The following PAK5 variants were observed in gnomAD, a reference collection of about 807,000 sequenced individuals.
PAK5 encodes serine/threonine-protein kinase PAK 5.
A neutral mutation model predicts 65.9 loss-of-function variants in PAK5; 16 were observed. The observed-to-expected ratio is 0.24, with a 90% CI of 0.16 to 0.37. The LOEUF is 0.37. Ranked by LOEUF, PAK5 falls within the 10% of genes least tolerant of loss-of-function variation. The pLI, the probability that PAK5 is intolerant of heterozygous loss-of-function variation, is 1.00. For missense variants in PAK5, 785 were observed against 903.9 expected (o/e 0.87, Z 1.69); for synonymous variants, 371 against 354.9 (o/e 1.05, Z -0.51).
intron 1 of PAK5, among the ~76,000 whole-genome samples, chr20:9,766,969 T>C (rs1018837180): frequency 2.6e-5 from 4 of 151,968 alleles, no homozygotes; most frequent in African/African-American, 7.3e-5. Flanking sequence ...TTGTTTTCCT[T>C]CCAACATTAG....
At chr20:9,627,734 C>T (rs566928383) in intron 3 of PAK5, among the ~76,000 whole-genome samples, 17 of 152,232 alleles carry the variant, frequency 1.1e-4, no homozygotes, top group Admixed American at 8.5e-4. Context: ...TCAAGTGATT[C>T]TCCTGCCTCA....
At chr20:9,660,794 G>T (rs1053922155) in intron 2 of PAK5, among the ~76,000 whole-genome samples, 2 of 152,096 alleles carry the variant, frequency 1.3e-5, no homozygotes, top group Non-Finnish European at 2.9e-5. Flanking sequence ...TCAAGGAAAA[G>T]CAAGGAGGCT....
At chr20:9,718,194 A>T (rs2048172396) in intron 1 of PAK5, among the ~76,000 whole-genome samples, 1 of 151,958 alleles carries the variant, frequency 6.6e-6, no homozygotes, top group Non-Finnish European at 1.5e-5. Flanking sequence ...AACTTTAAAC[A>T]TTTTAAACTC....
At chr20:9,664,643 T>C (rs2047388913) in intron 2 of PAK5, among the ~76,000 whole-genome samples, 1 of 152,196 alleles carries the variant, frequency 6.6e-6, no homozygotes, top group African/African-American at 2.4e-5. Flanking sequence ...TGGTTTTTAA[T>C]TATTTCGCCC....
chr20:9,773,857 G>A (rs143082212), intron 1 of PAK5, among the ~76,000 whole-genome samples: 1 of 152,322 alleles, frequency 6.6e-6, no homozygotes, highest in Non-Finnish European at 1.5e-5. Flanking sequence ...TAAAGTACTG[G>A]TCAGCAGCAG....
intron 2 of PAK5, among the ~76,000 whole-genome samples, chr20:9,707,646 T>C (rs190287759): frequency 8.1e-4 from 124 of 152,278 alleles, no homozygotes; most frequent in Non-Finnish European, 1.4e-3. Context: ...GTAGAAGTGA[T>C]TGTTCTGAGG....
rs1167443562 is a variant in PAK5 at position 9,616,176 on chromosome 20, G to A, written c.204+27949C>T. Among the ~76,000 whole-genome samples, 7 of 152,196 alleles carry A rather than the reference G, an allele frequency of 4.6e-5. No homozygotes were observed. In the South Asian group the frequency reaches 1.0e-3, roughly 23 times the overall value. ...TCCATTGTACTTCTACCTGGAAGCA[G>A]GGGATGGGTAGAAATGAAATTAATA... is the stretch of plus-strand genomic sequence containing the variant. On this transcript the variant is annotated intron_variant, in intron 3 of 9. Transcript: ENST00000353224.
At chr20:9,672,402 C>G (rs2047512301) in intron 2 of PAK5, among the ~76,000 whole-genome samples, 1 of 149,886 alleles carries the variant, frequency 6.7e-6, no homozygotes, top group Non-Finnish European at 1.5e-5. Context: ...TTGTAGCTCC[C>G]ATAATTCCCA....
intron 1 of PAK5, among the ~76,000 whole-genome samples, chr20:9,757,520 T>G (rs182731471): frequency 7.6e-4 from 115 of 152,312 alleles, no homozygotes; most frequent in African/African-American, 2.6e-3. Flanking sequence ...CTCTGTTCTC[T>G]TCTTCGATTT....
intron 4 of PAK5, among the ~76,000 whole-genome samples, chr20:9,576,727 G>C (rs554930379): frequency 6.6e-6 from 1 of 152,326 alleles, no homozygotes; most frequent in South Asian, 2.1e-4. Context: ...TGCAATGTCT[G>C]GTAAAAGGCT....
chr20:9,784,230 A>G (rs2048970117), intron 1 of PAK5: 1 of 152,228 alleles, frequency 6.6e-6, no homozygotes, highest in African/African-American at 2.4e-5. Flanking sequence ...TTCCACTGCT[A>G]AGATACAGGA....
Position 9,552,456 on chromosome 20 carries a change from C to T in PAK5, c.1743+5152G>A, listed in dbSNP as rs570568328. Among the ~76,000 whole-genome samples the T allele has an allele frequency of 2.6e-5, 4 of 152,320 alleles. 1 individual carries two copies. The South Asian group carries it at 8.3e-4, about 32-fold the overall frequency. ...CTGGTATACTTCTGAAGGTTTTACA[C>T]ACATTACATTATTCATTCCTAAGCC... On this transcript the variant is annotated intron_variant, in intron 7 of 9. Coordinates refer to ENST00000353224, the MANE Select transcript of PAK5 (RefSeq NM_177990.4).
At chr20:9,564,121 T>C (rs2045635082) in intron 5 of PAK5, among the ~76,000 whole-genome samples, 1 of 152,216 alleles carries the variant, frequency 6.6e-6, no homozygotes. Context: ...TGACTTGATA[T>C]TTTAGGACTT....
rs138742286 is a variant in PAK5 at position 9,823,480 on chromosome 20, T to C, written c.-162+15282A>G. Reference sequence around the variant, plus strand: ...AATCATGGGGGTGGTTCCCCCATACTGTTCTCTTGGTAGTGAATAAGTCTC... The same window carrying C: ...AATCATGGGGGTGGTTCCCCCATACCGTTCTCTTGGTAGTGAATAAGTCTC... On this transcript the variant is annotated intron_variant, in intron 1 of 9. Transcript: ENST00000353224. Among the ~76,000 whole-genome samples, 109 of 152,320 alleles carry C rather than the reference T, an allele frequency of 7.2e-4. 1 individual carries two copies. The East Asian group carries it at 0.021, about 29-fold the overall frequency.
chr20:9,824,695 C>G (rs994281332), intron 1 of PAK5, among the ~76,000 whole-genome samples: 1 of 152,126 alleles, frequency 6.6e-6, no homozygotes, highest in East Asian at 1.9e-4. Flanking sequence ...TATTTAAAAT[C>G]ACGCCCTTCA....
At chr20:9,614,025 T>C (rs549873113) in intron 3 of PAK5, among the ~76,000 whole-genome samples, 4 of 152,332 alleles carry the variant, frequency 2.6e-5, no homozygotes, top group South Asian at 2.1e-4. Flanking sequence ...GACTCAGCTA[T>C]GGCACGGATG....
chr20:9,724,239 A>C (rs1204658801), intron 1 of PAK5, among the ~76,000 whole-genome samples: 3 of 152,204 alleles, frequency 2.0e-5, no homozygotes. Context: ...TTAGTACCAA[A>C]GTATGATATT....
chr20:9,571,825 G>A (rs549476214), intron 4 of PAK5, among the ~76,000 whole-genome samples: 4 of 138,254 alleles, frequency 2.9e-5, no homozygotes, highest in Admixed American at 1.5e-4. Context: ...AGACAGAGTC[G>A]CTTCAGTACT....
chr20:9,595,179 T>C (rs1192703838), intron 3 of PAK5, among the ~76,000 whole-genome samples: 3 of 151,742 alleles, frequency 2.0e-5, no homozygotes, highest in African/African-American at 7.3e-5. Flanking sequence ...AAACTTCAGA[T>C]TAATAGGGTC....
Sources: allele counts gnomAD v4.1 joint callset (sites outside exome capture counted in the v4.1 genomes callset), GRCh38; gene constraint gnomAD v4.1.1; transcripts MANE v1.5; gene names NCBI Gene and HGNC (gene_info 2026-07-23, HGNC 2026-07-21).